Variants in COP1 observed in about 807,000 individuals in gnomAD.
The protein encoded by COP1 is COP1 E3 ubiquitin ligase, also known as E3 ubiquitin-protein ligase COP1.
A neutral mutation model predicts 101.3 loss-of-function variants in COP1; 24 were observed. That is an observed-to-expected ratio of 0.24 (90% CI 0.17 to 0.33). The LOEUF (loss-of-function observed/expected upper bound fraction) is 0.33. COP1 is among the 10% of genes least tolerant of loss of function. COP1 has a pLI of 1.00. For missense variants in COP1, 663 were observed against 906.2 expected (o/e 0.73, Z 3.45); for synonymous variants, 347 against 341.9 (o/e 1.01, Z -0.17).
At chr1:176,008,046 G>A (rs1473509353) in intron 15 of COP1, among the ~76,000 whole-genome samples, 1 of 152,212 alleles carries the variant, frequency 6.6e-6, no homozygotes, top group Non-Finnish European at 1.5e-5. Flanking sequence ...TAATCTCGTG[G>A]TGCGCCGTTT....
intron 1 of COP1, among the ~76,000 whole-genome samples, chr1:176,188,632 T>C (rs1185754001): frequency 6.6e-6 from 1 of 152,166 alleles, no homozygotes; most frequent in Non-Finnish European, 1.5e-5. Context: ...TCAAACTTTT[T>C]CATTATTATT....
chr1:176,132,598 A>G (rs1689082197), intron 8 of COP1, among the ~76,000 whole-genome samples: 1 of 132,250 alleles, frequency 7.6e-6, no homozygotes, highest in South Asian at 2.4e-4. Context: ...ACATATACAC[A>G]TATGTACGTA....
intron 15 of COP1, among the ~76,000 whole-genome samples, chr1:176,001,549 C>A (rs947385423): frequency 7.9e-5 from 12 of 152,062 alleles, no homozygotes; most frequent in African/African-American, 2.4e-4. Context: ...AAAGTTATCT[C>A]AGGGTAAACA....
chr1:176,006,492 G>C (rs1157115645), intron 15 of COP1, among the ~76,000 whole-genome samples: 1 of 152,220 alleles, frequency 6.6e-6, no homozygotes, highest in Non-Finnish European at 1.5e-5. Flanking sequence ...GGTATGGGTT[G>C]TTCCTTTTCA....
At chr1:176,134,691 T>C (rs905244013) in intron 8 of COP1, among the ~76,000 whole-genome samples, 1 of 152,048 alleles carries the variant, frequency 6.6e-6, no homozygotes, top group Non-Finnish European at 1.5e-5. Context: ...CCACTTCATG[T>C]TCTCAAATTT....
chr1:176,182,935 C>G (rs1048337362), intron 2 of COP1, among the ~76,000 whole-genome samples: 7 of 152,032 alleles, frequency 4.6e-5, no homozygotes, highest in African/African-American at 1.7e-4. Context: ...ATTCCTTTTC[C>G]TCTGATAACC....
chr1:175,951,436 G>GAA (rs1158693561), intron 18 of COP1, among the ~76,000 whole-genome samples: 11 of 36,284 alleles, frequency 3.0e-4, no homozygotes, highest in East Asian at 1.5e-3. Context: ...TAAGATACGT[G>GAA]AATATATATA....
chr1:176,147,902 G>A (rs1691805845), intron 6 of COP1, among the ~76,000 whole-genome samples: 2 of 152,212 alleles, frequency 1.3e-5, no homozygotes, highest in South Asian at 2.1e-4. Flanking sequence ...AGATCATCAG[G>A]CAACTTTCTT....
chr1:176,112,165 A>G (rs148267654), intron 9 of COP1, among the ~76,000 whole-genome samples: 2 of 149,396 alleles, frequency 1.3e-5, no homozygotes, highest in African/African-American at 4.9e-5. Flanking sequence ...TCAGTGCACT[A>G]TCTCAAACCA....
intron 15 of COP1, among the ~76,000 whole-genome samples, chr1:176,000,379 T>A (rs1373445722): frequency 6.6e-6 from 1 of 152,110 alleles, no homozygotes; most frequent in Non-Finnish European, 1.5e-5. Context: ...TGTATGTTCT[T>A]GGCAAGTTTG....
At chr1:176,157,466 T>C (rs1253714608) in intron 5 of COP1, among the ~76,000 whole-genome samples, 1 of 152,104 alleles carries the variant, frequency 6.6e-6, no homozygotes, top group Non-Finnish European at 1.5e-5. Flanking sequence ...TATGAAACAA[T>C]GCTTTCCAGA....
chr1:176,190,229 T>C (rs1012831463), intron 1 of COP1, among the ~76,000 whole-genome samples: 1 of 152,070 alleles, frequency 6.6e-6, no homozygotes, highest in Non-Finnish European at 1.5e-5. Flanking sequence ...GCATCCCTCA[T>C]CTAAAAATTT....
intron 15 of COP1, among the ~76,000 whole-genome samples, chr1:175,999,667 A>AT: frequency 1.3e-5 from 2 of 152,060 alleles, no homozygotes; most frequent in East Asian, 3.9e-4. Flanking sequence ...TCTAGTTTTA[A>AT]TTTTTTAGGA....
intron 5 of COP1, among the ~76,000 whole-genome samples, chr1:176,149,453 C>T (rs1231859060): frequency 6.6e-5 from 10 of 152,080 alleles, no homozygotes; most frequent in Admixed American, 6.5e-5. Context: ...ATCACTTTCT[C>T]CATGAGAAGT....
At chr1:175,993,443 T>C (rs2148789822) in intron 15 of COP1, among the ~76,000 whole-genome samples, 1 of 152,274 alleles carries the variant, frequency 6.6e-6, no homozygotes, top group Non-Finnish European at 1.5e-5. Flanking sequence ...ATCAAACTAC[T>C]CTGAGCTACA....
intron 15 of COP1, among the ~76,000 whole-genome samples, chr1:176,000,608 C>T (rs1661369514): frequency 6.6e-6 from 1 of 151,984 alleles, no homozygotes; most frequent in African/African-American, 2.4e-5. Context: ...TCATTATACA[C>T]TGCATGACTC....
At chr1:176,119,332 T>C (rs999865165) in intron 8 of COP1, among the ~76,000 whole-genome samples, 1 of 152,210 alleles carries the variant, frequency 6.6e-6, no homozygotes. Flanking sequence ...TTTCCAGCTA[T>C]GCATTTTTAT....
At chr1:176,153,014 T>C (rs898981331) in intron 5 of COP1, among the ~76,000 whole-genome samples, 2 of 152,140 alleles carry the variant, frequency 1.3e-5, no homozygotes, top group African/African-American at 2.4e-5. Context: ...TACCTGAGAA[T>C]GCATGAAGAT....
intron 14 of COP1, among the ~76,000 whole-genome samples, chr1:176,028,695 T>TTATATATATATATATATATA (rs1668109247): frequency 2.2e-4 from 3 of 13,384 alleles, no homozygotes; most frequent in African/African-American, 4.8e-4. Context: ...TATATTTGTT[T>TTATATATATATATATATATA]CATATATATA....
Sources: gnomAD v4.1 joint callset for allele counts (sites outside exome capture counted in the v4.1 genomes callset) on GRCh38, gnomAD v4.1.1 for gene constraint, MANE v1.5 for transcripts, NCBI Gene and HGNC (gene_info 2026-07-23, HGNC 2026-07-21) for gene names.